Variants in PPP2R2C observed in about 807,000 individuals in gnomAD.
The protein encoded by PPP2R2C is protein phosphatase 2, regulatory subunit B, gamma.
PPP2R2C carries 10 observed loss-of-function variants against 45.3 expected under a neutral mutation model. The observed-to-expected ratio is 0.22, with a 90% CI of 0.14 to 0.37. The LOEUF (loss-of-function observed/expected upper bound fraction) is 0.37, where lower values mean the gene tolerates loss of function less well. Ranked by LOEUF, PPP2R2C falls within the 10% of genes least tolerant of loss-of-function variation. The pLI is 1.00. For missense variants in PPP2R2C, 308 were observed against 619.7 expected (o/e 0.50, Z 5.34); for synonymous variants, 257 against 245.4 (o/e 1.05, Z -0.44).
intron 2 of PPP2R2C, among the ~76,000 whole-genome samples, chr4:6,533,013 T>G (rs1191293764): frequency 6.6e-6 from 1 of 152,198 alleles, no homozygotes; most frequent in Non-Finnish European, 1.5e-5. Flanking sequence ...GCCCTCAGCA[T>G]GGTGCATGGA....
In PPP2R2C at chr4:6,563,145, G is replaced by C. The variant is rs1384301895; in HGVS notation, c.-59+415C>G. Among the ~76,000 whole-genome samples, 1 of 152,180 alleles carries C rather than the reference G, an allele frequency of 6.6e-6. No homozygotes were observed. The highest frequency in any genetic ancestry group is 1.5e-5 in the Non-Finnish European group (1 of 68,030). On this transcript the variant is annotated intron_variant, in intron 1 of 9. Transcript: ENST00000506140. The surrounding 1 kb of genome is among the most constrained non-coding windows in gnomAD (Gnocchi z 5.8). ...GCCGGACCCCGCGCCCGCACCTTCA[G>C]CCGGGCAGCGAGGGGGGGCTCGAGC...
At chr4:6,403,790 G>T (rs1462903484) in intron 1 of PPP2R2C, among the ~76,000 whole-genome samples, 2 of 152,002 alleles carry the variant, frequency 1.3e-5, no homozygotes, top group East Asian at 1.9e-4. Context: ...TTGAACCTGG[G>T]AGGCGGAGGT....
At chr4:6,492,981 C>T (rs1196249775) in intron 2 of PPP2R2C, among the ~76,000 whole-genome samples, 1 of 152,108 alleles carries the variant, frequency 6.6e-6, no homozygotes, top group Non-Finnish European at 1.5e-5. Context: ...AGTCTCCCTC[C>T]TCACTCCATT....
In PPP2R2C at chr4:6,391,321, G is replaced by A. The variant is rs145130142; in HGVS notation, c.71-10227C>T. Among the ~76,000 whole-genome samples the A allele has an allele frequency of 3.0e-3, 459 of 152,186 alleles. 5 individuals are homozygous for A. Among genetic ancestry groups the A allele is most frequent in the African/African-American group, 0.01 (423 of 41,542 alleles). ...TCTGGACCTCTCCCTCCTCCCTACC[G>A]TGTAGAGGACACAAGCAGATGAGGG... is the stretch of plus-strand genomic sequence containing the variant. On this transcript the variant is annotated intron_variant, in intron 1 of 8. Transcript: ENST00000382599.
At chr4:6,413,197 G>A (rs577287000) in intron 1 of PPP2R2C, among the ~76,000 whole-genome samples, 5 of 151,064 alleles carry the variant, frequency 3.3e-5, no homozygotes, top group Admixed American at 6.6e-5. Flanking sequence ...TCACACACAC[G>A]CCAATGTGCT....
intron 1 of PPP2R2C, among the ~76,000 whole-genome samples, chr4:6,416,827 GCTCC>G (rs968382365): frequency 4.6e-5 from 7 of 152,202 alleles, no homozygotes; most frequent in Non-Finnish European, 8.8e-5. Context: ...AGCCTGCTGG[GCTCC>G]CTGTGTGTGC....
intron 1 of PPP2R2C, chr4:6,383,529 G>A (rs1205093656): frequency 6.8e-6 from 6 of 884,420 alleles, no homozygotes; most frequent in Non-Finnish European, 9.5e-6. Flanking sequence ...GGCCTGCAGT[G>A]GCTTTCCCTG....
At chr4:6,348,812 G>C in intron 5 of PPP2R2C, 6 of 707,840 alleles carry the variant, frequency 8.5e-6, no homozygotes, top group Non-Finnish European at 1.0e-5. Context: ...TGGAATCCTG[G>C]ATCAAGCTGC....
intron 5 of PPP2R2C, among the ~76,000 whole-genome samples, chr4:6,356,503 G>C (rs538826698): frequency 1.6e-4 from 24 of 152,310 alleles, no homozygotes; most frequent in Admixed American, 7.8e-4. Context: ...GACCATCTGG[G>C]GGTGGCTCCA....
At chr4:6,349,604 G>T in intron 5 of PPP2R2C, 2 of 984,090 alleles carry the variant, frequency 2.0e-6, no homozygotes, top group Non-Finnish European at 2.4e-6. Flanking sequence ...ACTTTGGGAG[G>T]CCGAGGCGGG....
At chr4:6,405,836 C>T (rs544710390) in intron 1 of PPP2R2C, among the ~76,000 whole-genome samples, 10 of 152,230 alleles carry the variant, frequency 6.6e-5, no homozygotes, top group African/African-American at 2.2e-4. Context: ...GGAACGGCTT[C>T]GCGGAGGGGC....
chr4:6,456,317 CCCT>C (rs540569755), intron 1 of PPP2R2C, among the ~76,000 whole-genome samples: 110 of 144,716 alleles, frequency 7.6e-4, no homozygotes, highest in African/African-American at 2.6e-3. Context: ...TCCCCCCCCC[CCCT>C]TTATTCTACT....
chr4:6,450,206 T>C (rs940945394), intron 1 of PPP2R2C, among the ~76,000 whole-genome samples: 1 of 122,006 alleles, frequency 8.2e-6, no homozygotes, highest in Non-Finnish European at 1.7e-5. Context: ...GGGCTTCAAT[T>C]GTCTCATCTA....
At chr4:6,477,730 CAAAAA>C (rs5855918) in intron 2 of PPP2R2C, among the ~76,000 whole-genome samples, 1 of 77,108 alleles carries the variant, frequency 1.3e-5, no homozygotes, top group Non-Finnish European at 2.3e-5. Context: ...GACTCCGTCT[CAAAAA>C]AAAAAAAAAA....
intron 1 of PPP2R2C, chr4:6,381,762 G>C: frequency 6.2e-7 from 1 of 1,608,330 alleles, no homozygotes; most frequent in South Asian, 1.1e-5. Flanking sequence ...TCTCCTTATG[G>C]AGTCACCCCC....
chr4:6,533,986 C>T (rs1724493386), intron 2 of PPP2R2C, among the ~76,000 whole-genome samples: 1 of 150,926 alleles, frequency 6.6e-6, no homozygotes, highest in Admixed American at 6.6e-5. Flanking sequence ...TACACATACC[C>T]CAAACACACA....
In PPP2R2C at chr4:6,389,247, G is replaced by A. The variant is rs796328821; in HGVS notation, c.71-8153C>T. Among the ~76,000 whole-genome samples the A allele has an allele frequency of 3.2e-4, 49 of 152,314 alleles. 1 individual carries two copies. The highest frequency in any genetic ancestry group is 9.9e-4 in the African/African-American group (41 of 41,564). ...AGGACGTTCCCTGGAAACTCTGGCCGAGGCCTGCAGACAGGAGATGAAGAT... is the reference window on the plus strand; with the variant it reads ...AGGACGTTCCCTGGAAACTCTGGCCAAGGCCTGCAGACAGGAGATGAAGAT... On this transcript the variant is annotated intron_variant, in intron 1 of 8. Transcript: ENST00000382599.
At chr4:6,551,208 C>T (rs1410301091) in intron 1 of PPP2R2C, among the ~76,000 whole-genome samples, 2 of 152,206 alleles carry the variant, frequency 1.3e-5, no homozygotes, top group East Asian at 1.9e-4. Context: ...TTGGAGGCTA[C>T]TTGGCCTCAG....
chr4:6,413,763 G>T, intron 1 of PPP2R2C: 1 of 1,089,944 alleles, frequency 9.2e-7, no homozygotes, highest in Non-Finnish European at 1.3e-6. Flanking sequence ...TGGCAGCTGG[G>T]GTCACTGAGA....
Sources: allele counts gnomAD v4.1 joint callset (sites outside exome capture counted in the v4.1 genomes callset), GRCh38; gene constraint gnomAD v4.1.1; non-coding constraint Gnocchi (gnomAD v3.1); transcripts MANE v1.5; gene names NCBI Gene and HGNC (gene_info 2026-07-23, HGNC 2026-07-21).